The following THADA variants were observed in gnomAD, a reference collection of about 807,000 sequenced individuals.
THADA encodes THADA armadillo repeat containing.
THADA carries 213 observed loss-of-function variants against 219.8 expected under a neutral mutation model. That is an observed-to-expected ratio of 0.97 (90% CI 0.87 to 1.09). The LOEUF is 1.09. Among genes scored for constraint, THADA ranks in the 50% least tolerant of loss-of-function variants. The pLI, the probability that THADA is intolerant of heterozygous loss-of-function variation, is 0.00. For missense variants in THADA, 2,956 were observed against 2,311.3 expected, an observed-to-expected ratio of 1.28 and a Z score of -5.72; for synonymous variants, 1,018 against 828.9, an observed-to-expected ratio of 1.23 and a Z score of -3.92.
At chr2:43,594,959 C>G (rs182614271) in intron 1 of THADA, among the ~76,000 whole-genome samples, 279 of 152,334 alleles carry the variant, frequency 1.8e-3, no homozygotes, top group African/African-American at 6.6e-3. Context: ...ATTACCCTAA[C>G]TTGTAAATTT....
intron 30 of THADA, among the ~76,000 whole-genome samples, chr2:43,327,194 A>C (rs956697785): frequency 8.5e-5 from 13 of 152,172 alleles, no homozygotes; most frequent in African/African-American, 3.1e-4. Context: ...CAAAAAATCA[A>C]ACAGGTGCAG....
intron 26 of THADA, among the ~76,000 whole-genome samples, chr2:43,478,343 C>G (rs1015985217): frequency 6.6e-6 from 1 of 152,144 alleles, no homozygotes; most frequent in Non-Finnish European, 1.5e-5. Context: ...ACTGTTCCCT[C>G]TGGCTTTAAC....
intron 36 of THADA, among the ~76,000 whole-genome samples, chr2:43,249,746 A>G (rs971386649): frequency 3.9e-5 from 6 of 152,016 alleles, no homozygotes; most frequent in African/African-American, 1.5e-4. Context: ...GCCTTAGTCA[A>G]ATCTTTTCAA....
chr2:43,554,324 T>C (rs533394090), intron 17 of THADA, among the ~76,000 whole-genome samples: 1 of 152,352 alleles, frequency 6.6e-6, no homozygotes, highest in Non-Finnish European at 1.5e-5. Context: ...TTCTCTTGCA[T>C]GTACATGTCC....
intron 22 of THADA, among the ~76,000 whole-genome samples, chr2:43,514,632 A>G (rs1268433253): frequency 1.2e-5 from 1 of 82,956 alleles, no homozygotes; most frequent in Non-Finnish European, 2.1e-5. Context: ...ATATATATGT[A>G]TATTTTATAT....
rs939526129 is a variant in THADA, at chr2:43,281,687, T to A, written c.5165-1791A>T. Among the ~76,000 whole-genome samples, 71 of 152,128 alleles carry A rather than the reference T, an allele frequency of 4.7e-4. 1 individual carries two copies. ...CTGACCTCAGGTAGACCCACCCTCC[T>A]CAGCCTCCCAAAGTGCTGGGATTAC... On this transcript the variant is annotated intron_variant, in intron 35 of 37. Coordinates refer to ENST00000405975, the MANE Select transcript of THADA (RefSeq NM_022065.5).
chr2:43,595,997 C>T lies in THADA; in HGVS notation c.-91G>A, dbSNP rs1702112624. On this transcript the variant is annotated 5_prime_UTR_variant, in exon 1 of 38. Coordinates refer to ENST00000405975, the MANE Select transcript of THADA (RefSeq NM_022065.5). Reference sequence around the variant, plus strand: ...TCCAGTCCCGGAAGCAGGTCTCCTTCTACGGCGTCTCCGAGGCTCGCAGCG... The same window carrying T: ...TCCAGTCCCGGAAGCAGGTCTCCTTTTACGGCGTCTCCGAGGCTCGCAGCG... 6.6e-6 allele frequency: 1 copy of T among 152,402 alleles called. No individual in the cohort carries two copies. The highest frequency in any genetic ancestry group is 1.5e-5 in the Non-Finnish European group (1 of 68,140). 9.4% of individuals were successfully genotyped at this position (152,402 alleles called of 1,614,324 possible).
chr2:43,268,691 G>A (rs988983964), intron 36 of THADA, among the ~76,000 whole-genome samples: 1 of 152,228 alleles, frequency 6.6e-6, no homozygotes, highest in Non-Finnish European at 1.5e-5. Context: ...ACCGTGGCCA[G>A]TGAAGAGGCC....
At chr2:43,401,125 A>T (rs545710026) in intron 28 of THADA, among the ~76,000 whole-genome samples, 1 of 152,202 alleles carries the variant, frequency 6.6e-6, no homozygotes, top group Non-Finnish European at 1.5e-5. Flanking sequence ...TCTAGGCCTG[A>T]ATACTAGGTT....
At chr2:43,248,164 TAGAGAGAGAG>T (rs70963389) in intron 36 of THADA, among the ~76,000 whole-genome samples, 599 of 40,444 alleles carry the variant, frequency 0.015, 2 homozygotes, top group South Asian at 0.02. Context: ...TATATATATA[TAGAGAGAGAG>T]AGAGAGAGAG....
chr2:43,383,876 C>T (rs922977226), intron 29 of THADA, among the ~76,000 whole-genome samples: 37 of 151,768 alleles, frequency 2.4e-4, no homozygotes, highest in African/African-American at 8.2e-4. Flanking sequence ...ACAAAAATAC[C>T]AAAACATATT....
chr2:43,498,833 T>G lies in THADA; in HGVS notation c.3744A>C (p.Ala1248=). ...GAAAATAAATAGTGACAGCACTTAC[T>G]GCCCAGACCGGTGATGTAAAACCCA... The part of the protein sequence containing the change: ...AILGFTSPVW[A]VRNSSTLLFS... The change falls in exon 25 of 38, where the codon GCA becomes GCC. Residue 1248 remains alanine (A), a splice_region_variant and synonymous_variant. Transcript: ENST00000405975. The G allele has an allele frequency of 6.2e-7, 1 of 1,612,030 alleles. No homozygotes were observed. The highest frequency in any genetic ancestry group is 1.7e-5 in the Admixed American group (1 of 59,646).
At chr2:43,570,556 T>A in intron 13 of THADA, 46 bp from the exon 14 acceptor site, 2 of 1,570,962 alleles carry the variant, frequency 1.3e-6, no homozygotes, top group Non-Finnish European at 1.7e-6. Flanking sequence ...ACACATTAAA[T>A]TTAAATGTCA....
intron 26 of THADA, among the ~76,000 whole-genome samples, chr2:43,440,180 T>C (rs79969799): frequency 6.6e-6 from 1 of 152,216 alleles, no homozygotes. Context: ...GTAGTTTTTT[T>C]CCTTACAAAT....
intron 31 of THADA, among the ~76,000 whole-genome samples, chr2:43,304,804 T>C (rs1184317011): frequency 1.3e-5 from 2 of 152,078 alleles, no homozygotes; most frequent in African/African-American, 4.8e-5. Flanking sequence ...CCCGAGTAGC[T>C]GGGATTACAG....
intron 29 of THADA, among the ~76,000 whole-genome samples, chr2:43,359,786 AT>A (rs531629007): frequency 0.012 from 1,807 of 145,304 alleles, 26 homozygotes; most frequent in Non-Finnish European, 0.013. Context: ...TGTTAACTGG[AT>A]TTTTTTTTTT....
At chr2:43,345,013 G>C (rs933951719) in intron 29 of THADA, among the ~76,000 whole-genome samples, 1 of 152,268 alleles carries the variant, frequency 6.6e-6, no homozygotes, top group African/African-American at 2.4e-5. Flanking sequence ...TGCAAGTCAA[G>C]AGAAATCCTT....
intron 11 of THADA, 61 bp from the exon 12 acceptor site, chr2:43,573,053 T>G: frequency 5.4e-6 from 7 of 1,301,190 alleles, no homozygotes; most frequent in Non-Finnish European, 7.2e-6. Context: ...AATTATCAGC[T>G]GCTAATTTTC....
intron 21 of THADA, among the ~76,000 whole-genome samples, chr2:43,533,086 A>G (rs1694098676): frequency 6.6e-6 from 1 of 152,246 alleles, no homozygotes. Context: ...AAAGGATATA[A>G]ACAGACACTT....
Sources: allele counts gnomAD v4.1 joint callset (sites outside exome capture counted in the v4.1 genomes callset), GRCh38; gene constraint gnomAD v4.1.1; transcripts MANE v1.5; gene names NCBI Gene and HGNC (gene_info 2026-07-23, HGNC 2026-07-21).